PAK5: variants seen among roughly 807,000 people sequenced by gnomAD.
PAK5 encodes the protein p21 (RAC1) activated kinase 5.
A neutral mutation model predicts 65.9 loss-of-function variants in PAK5; 16 were observed. The ratio of observed to expected loss-of-function variants is 0.24; its 90% CI spans 0.16 to 0.37. The LOEUF is 0.37. Ranked by LOEUF, PAK5 falls within the 10% of genes least tolerant of loss-of-function variation. The pLI is 1.00. For missense variants in PAK5, 785 were observed against 903.9 expected, an observed-to-expected ratio of 0.87 and a Z score of 1.69; for synonymous variants, 371 against 354.9, an observed-to-expected ratio of 1.05 and a Z score of -0.51.
chr20:9,777,752 T>C (rs2048901630), intron 1 of PAK5, among the ~76,000 whole-genome samples: 1 of 152,220 alleles, frequency 6.6e-6, no homozygotes, highest in Non-Finnish European at 1.5e-5. Flanking sequence ...GTGGGGAATC[T>C]AGCATGGGCT....
intron 4 of PAK5, among the ~76,000 whole-genome samples, chr20:9,579,809 C>A (rs894597105): frequency 4.6e-5 from 7 of 152,154 alleles, no homozygotes; most frequent in African/African-American, 1.7e-4. Flanking sequence ...ATGACTGATC[C>A]ACTCCTTAAC....
chr20:9,819,058 A>G (rs1418911388), intron 1 of PAK5, among the ~76,000 whole-genome samples: 4 of 152,166 alleles, frequency 2.6e-5, no homozygotes, highest in African/African-American at 4.8e-5. Flanking sequence ...AAAGCCAAAG[A>G]AAGAAAGCAT....
intron 4 of PAK5, among the ~76,000 whole-genome samples, chr20:9,573,835 G>C (rs1336769263): frequency 6.6e-6 from 1 of 152,216 alleles, no homozygotes; most frequent in Non-Finnish European, 1.5e-5. Context: ...GAGTTACAGG[G>C]AGTGGGCGGC....
At chr20:9,817,478 A>G (rs2049370659) in intron 1 of PAK5, among the ~76,000 whole-genome samples, 1 of 152,202 alleles carries the variant, frequency 6.6e-6, no homozygotes, top group Non-Finnish European at 1.5e-5. Context: ...CAAACAAAAT[A>G]GGCAAGATCC....
At chr20:9,772,791 A>G (rs1056914928) in intron 1 of PAK5, among the ~76,000 whole-genome samples, 4 of 152,196 alleles carry the variant, frequency 2.6e-5, no homozygotes, top group Non-Finnish European at 5.9e-5. Context: ...ATTTCAAGGC[A>G]TCCCTATTCT....
At chr20:9,835,789 G>A (rs184118573) in intron 1 of PAK5, among the ~76,000 whole-genome samples, 45 of 152,306 alleles carry the variant, frequency 3.0e-4, no homozygotes, top group African/African-American at 8.9e-4. Context: ...AGGTGTCAAA[G>A]GTGATTCTTG....
chr20:9,595,914 A>G (rs1457700059), intron 3 of PAK5, among the ~76,000 whole-genome samples: 1 of 151,296 alleles, frequency 6.6e-6, no homozygotes, highest in East Asian at 1.9e-4. Context: ...AAAAAATCAA[A>G]TTTATAGCTT....
chr20:9,648,186 T>C (rs780288698), intron 2 of PAK5, among the ~76,000 whole-genome samples: 8 of 152,162 alleles, frequency 5.3e-5, no homozygotes, highest in Non-Finnish European at 1.2e-4. Context: ...TGTGATTTAT[T>C]ACCATGAGAG....
At chr20:9,708,320 G>T (rs902528214) in intron 2 of PAK5, among the ~76,000 whole-genome samples, 4 of 152,100 alleles carry the variant, frequency 2.6e-5, no homozygotes, top group East Asian at 1.9e-4. Context: ...GATGAGTCTT[G>T]TGTGGTCATC....
At chr20:9,800,665 T>C (rs2049158926) in intron 1 of PAK5, among the ~76,000 whole-genome samples, 1 of 152,066 alleles carries the variant, frequency 6.6e-6, no homozygotes, top group Admixed American at 6.6e-5. Context: ...GCTGACGAAA[T>C]GACTGATTAT....
At chr20:9,729,872 T>C (rs1238400928) in intron 1 of PAK5, among the ~76,000 whole-genome samples, 1 of 150,302 alleles carries the variant, frequency 6.7e-6, no homozygotes, top group African/African-American at 2.5e-5. Flanking sequence ...ACCAGCCAGG[T>C]GTGGTGATGT....
chr20:9,557,489 G>T, intron 7 of PAK5, 119 bp downstream of exon 7: 1 of 743,760 alleles, frequency 1.3e-6, no homozygotes, highest in Non-Finnish European at 2.1e-6. Context: ...GGGAAGAGAA[G>T]TAGGTGACTT....
chr20:9,596,635 C>CAAAAAAAAAAA (rs35576059), intron 3 of PAK5, among the ~76,000 whole-genome samples: 1 of 52,802 alleles, frequency 1.9e-5, no homozygotes, highest in Non-Finnish European at 3.8e-5. Context: ...GACTCCGTCT[C>CAAAAAAAAAAA]AAAAAAAAAA....
chr20:9,680,090 T>C (rs1393217455), intron 2 of PAK5, among the ~76,000 whole-genome samples: 1 of 152,216 alleles, frequency 6.6e-6, no homozygotes, highest in Non-Finnish European at 1.5e-5. Context: ...TGAGAGCTAA[T>C]GGATGATGAG....
intron 1 of PAK5, among the ~76,000 whole-genome samples, chr20:9,817,021 C>A (rs2049365113): frequency 1.3e-5 from 2 of 152,040 alleles, no homozygotes; most frequent in South Asian, 4.2e-4. Flanking sequence ...GTGGTGCACA[C>A]CTATAGTCCC....
intron 4 of PAK5, among the ~76,000 whole-genome samples, chr20:9,577,973 T>C (rs1188538738): frequency 6.6e-6 from 1 of 152,178 alleles, no homozygotes; most frequent in African/African-American, 2.4e-5. Context: ...AGAGGGAGCC[T>C]GTAGGGAATT....
intron 3 of PAK5, among the ~76,000 whole-genome samples, chr20:9,597,209 T>G (rs928627544): frequency 6.6e-6 from 1 of 152,168 alleles, no homozygotes; most frequent in South Asian, 2.1e-4. Context: ...ACTGAGAGGG[T>G]TTCCCTGGCA....
At chr20:9,606,785 A>T (rs541022096) in intron 3 of PAK5, among the ~76,000 whole-genome samples, 20 of 152,248 alleles carry the variant, frequency 1.3e-4, no homozygotes, top group African/African-American at 4.1e-4. Flanking sequence ...TGGGCTGTAC[A>T]CTTCATAACT....
At chr20:9,709,564 G>C (rs113581929) in intron 2 of PAK5, among the ~76,000 whole-genome samples, 2 of 152,124 alleles carry the variant, frequency 1.3e-5, no homozygotes, top group Non-Finnish European at 2.9e-5. Context: ...CTGTGAACTT[G>C]TAGAGTCTCA....
Sources: allele counts gnomAD v4.1 joint callset (sites outside exome capture counted in the v4.1 genomes callset), GRCh38; gene constraint gnomAD v4.1.1; transcripts MANE v1.5; gene names NCBI Gene and HGNC (gene_info 2026-07-23, HGNC 2026-07-21).